SPTBN1: variants seen among roughly 807,000 people sequenced by gnomAD.
The protein encoded by SPTBN1 is spectrin beta, non-erythrocytic 1, also known as spectrin beta chain, non-erythrocytic 1.
SPTBN1 carries 32 observed loss-of-function variants against 266.4 expected under a neutral mutation model. That is an observed-to-expected ratio of 0.12 (90% CI 0.09 to 0.16). The LOEUF (loss-of-function observed/expected upper bound fraction) is 0.16. Ranked by LOEUF, SPTBN1 falls within the 10% of genes least tolerant of loss-of-function variation. The pLI is 1.00. For missense variants in SPTBN1, 2,296 were observed against 3,067.1 expected, an observed-to-expected ratio of 0.75 and a Z score of 5.94; for synonymous variants, 1,336 against 1,162.2, an observed-to-expected ratio of 1.15 and a Z score of -3.04.
intron 1 of SPTBN1, among the ~76,000 whole-genome samples, chr2:54,488,649 T>C (rs144635944): frequency 6.6e-6 from 1 of 152,300 alleles, no homozygotes; most frequent in East Asian, 1.9e-4. Flanking sequence ...GTGGCTTCTT[T>C]GTGATTTAGT....
intron 3 of SPTBN1, among the ~76,000 whole-genome samples, chr2:54,605,136 C>CGGG (rs1468011869): frequency 6.6e-6 from 1 of 152,140 alleles, no homozygotes; most frequent in Non-Finnish European, 1.5e-5. Flanking sequence ...TGAGAGGCGC[C>CGGG]CCCTCCCTCT....
chr2:54,608,493 G>T (rs1307815533), intron 3 of SPTBN1, among the ~76,000 whole-genome samples: 3 of 152,178 alleles, frequency 2.0e-5, no homozygotes, highest in African/African-American at 7.2e-5. Context: ...CACAGGCTGA[G>T]TGCGTTCTTC....
chr2:54,470,491 G>A (rs1693865347), intron 1 of SPTBN1, among the ~76,000 whole-genome samples: 1 of 152,204 alleles, frequency 6.6e-6, no homozygotes. Flanking sequence ...GGAATGTTGT[G>A]CAGCTGTGCA....
chr2:54,625,929 T>C lies in SPTBN1; in HGVS notation c.1342-3T>C, dbSNP rs770254605. On this transcript the variant is annotated splice_region_variant and splice_polypyrimidine_tract_variant and intron_variant, in intron 11 of 35. Transcript: ENST00000356805. ...TCCTTCTTTTCATTCCGTTTCTCTG[T>C]AGGACAACTTTGGGTTTGACCTTCC... is the stretch of plus-strand genomic sequence containing the variant. 10 of 1,611,982 alleles carry C rather than the reference T, an allele frequency of 6.2e-6. No individual in the cohort carries two copies. In the East Asian group the frequency reaches 8.9e-5, roughly 14 times the overall value.
intron 2 of SPTBN1, chr2:54,545,635 A>C (rs1573383166): frequency 6.6e-6 from 1 of 152,222 alleles, no homozygotes; most frequent in East Asian, 1.9e-4. Context: ...ATGGATTCAG[A>C]TGGTGGTGGG....
intron 30 of SPTBN1, 118 bp downstream of exon 30, chr2:54,658,164 A>G (rs1680803863): frequency 1.9e-5 from 25 of 1,287,770 alleles, no homozygotes; most frequent in Non-Finnish European, 2.7e-5. Context: ...GTTTTTTTCA[A>G]GTAGTGAAGA....
chr2:54,513,258 G>A (rs1669948105), intron 1 of SPTBN1, among the ~76,000 whole-genome samples: 1 of 152,154 alleles, frequency 6.6e-6, no homozygotes, highest in Non-Finnish European at 1.5e-5. Context: ...TGGTGGTGGG[G>A]GGAGGTATAT....
chr2:54,491,069 T>C (rs771869201), intron 1 of SPTBN1, among the ~76,000 whole-genome samples: 1 of 152,154 alleles, frequency 6.6e-6, no homozygotes, highest in Non-Finnish European at 1.5e-5. Context: ...TGGATTTCAG[T>C]TGGGCAAAAT....
chr2:54,643,692 A>G (rs1371964942), intron 19 of SPTBN1, among the ~76,000 whole-genome samples: 1 of 152,132 alleles, frequency 6.6e-6, no homozygotes, highest in African/African-American at 2.4e-5. Context: ...CACGGTTAAA[A>G]TAATGTGTTG....
intron 1 of SPTBN1, among the ~76,000 whole-genome samples, chr2:54,470,615 C>T (rs971529740): frequency 2.6e-5 from 4 of 152,062 alleles, no homozygotes; most frequent in South Asian, 2.1e-4. Flanking sequence ...GGGCTTTTTT[C>T]GTTTTTGCCA....
At position 54,554,165 on chromosome 2, in the gene SPTBN1, T is replaced by C. The variant is rs560794915; in HGVS notation, c.148+27599T>C. Among the ~76,000 whole-genome samples, 1 of 152,320 alleles carries C rather than the reference T, an allele frequency of 6.6e-6. No individual in the cohort carries two copies. Among genetic ancestry groups the C allele is most frequent in the South Asian group, 2.1e-4 (1 of 4,816 alleles). On this transcript the variant is annotated intron_variant, in intron 2 of 35. Transcript: ENST00000356805. The surrounding 1 kb of genome is among the most constrained non-coding windows in gnomAD (Gnocchi z 4.5). ...AATCTTGATACCACTTACTGAGTTC[T>C]GTGATTTTTCAGAAAAGCTTAGAAA...
chr2:54,619,379 TAG>T (rs545931776), intron 7 of SPTBN1, among the ~76,000 whole-genome samples: 1 of 152,222 alleles, frequency 6.6e-6, no homozygotes, highest in Non-Finnish European at 1.5e-5. Flanking sequence ...AATTTTTCCT[TAG>T]CCCTAGTTCT....
At position 54,606,774 on chromosome 2, in the gene SPTBN1, C is replaced by T. The variant is rs562494794; in HGVS notation, c.301-5387C>T. 9.9e-5 allele frequency among the ~76,000 whole-genome samples: 15 copies of T among 152,280 alleles called. No individual in the cohort carries two copies. In the East Asian group the frequency reaches 1.3e-3, roughly 14 times the overall value. On this transcript the variant is annotated intron_variant, in intron 3 of 35. Coordinates refer to ENST00000356805, the MANE Select transcript of SPTBN1 (RefSeq NM_003128.3). ...CCACCCACCTCTTCTAGGGCGGCAC[C>T]GATTACACAGGCATCCCTTTCTCGG... is the stretch of plus-strand genomic sequence containing the variant.
At chr2:54,498,199 A>G (rs545596654) in intron 1 of SPTBN1, among the ~76,000 whole-genome samples, 29 of 152,358 alleles carry the variant, frequency 1.9e-4, no homozygotes, top group African/African-American at 6.7e-4. Context: ...AGCTAAGAGC[A>G]TAGACTAAGT....
chr2:54,591,619 T>C (rs1396396754), intron 2 of SPTBN1, among the ~76,000 whole-genome samples: 1 of 152,142 alleles, frequency 6.6e-6, no homozygotes, highest in Non-Finnish European at 1.5e-5. Flanking sequence ...CTATGTTTCC[T>C]TTTTTTTCCA....
rs114697876 is a variant in SPTBN1 at position 54,600,393 on chromosome 2, T to C, written c.300+1150T>C. Among the ~76,000 whole-genome samples, 310 of 152,274 alleles carry C rather than the reference T, an allele frequency of 2.0e-3. 2 individuals are homozygous for C. The highest frequency in any genetic ancestry group is 7.2e-3 in the African/African-American group (301 of 41,560). On this transcript the variant is annotated intron_variant, in intron 3 of 35. Transcript: ENST00000356805. ...TTTGTTCCTGAGCATGTAGGTCTTGTGGCCTCATTTTCTGTGAGGGTTTGT... is the reference window on the plus strand; with the variant it reads ...TTTGTTCCTGAGCATGTAGGTCTTGCGGCCTCATTTTCTGTGAGGGTTTGT...
At chr2:54,562,527 C>A (rs371026813) in intron 2 of SPTBN1, among the ~76,000 whole-genome samples, 2 of 63,992 alleles carry the variant, frequency 3.1e-5, no homozygotes, top group African/African-American at 3.0e-4. Context: ...CTTTTCTTTT[C>A]TTTTTCTTTT....
At chr2:54,480,169 A>T (rs1360520199) in intron 1 of SPTBN1, among the ~76,000 whole-genome samples, 1 of 152,158 alleles carries the variant, frequency 6.6e-6, no homozygotes, top group Non-Finnish European at 1.5e-5. Context: ...GGGTATTGGG[A>T]CACTCATTTA....
Position 54,645,780 on chromosome 2 carries a change from G to A in SPTBN1, c.4495-148G>A. 1.3e-6 allele frequency: 1 copy of A among 791,858 alleles called. No homozygotes were observed. Among genetic ancestry groups the A allele is most frequent in the Non-Finnish European group, 2.0e-6 (1 of 495,834 alleles). The allele number at this position is 791,858 out of a possible 1,614,324, so 49.1% of individuals were successfully genotyped here. A position where few individuals can be genotyped will look rare whatever the true frequency, so the allele number is the denominator to read the frequency against. ...TCCCTAGCCCTGTCTCGGAGAACAA[G>A]GGCGTGCTTCCCCAGACAGCCCTCC... On this transcript the variant is annotated intron_variant, in intron 21 of 35. Coordinates refer to ENST00000356805, the MANE Select transcript of SPTBN1 (RefSeq NM_003128.3). This position sits in a 1 kb window ranked among gnomAD's most constrained non-coding sequence, Gnocchi z 4.3.
Sources: allele counts gnomAD v4.1 joint callset (sites outside exome capture counted in the v4.1 genomes callset), GRCh38; gene constraint gnomAD v4.1.1; non-coding constraint Gnocchi (gnomAD v3.1); transcripts MANE v1.5; gene names NCBI Gene and HGNC (gene_info 2026-07-23, HGNC 2026-07-21).